The following FAM161A variants were observed in gnomAD, a reference collection of about 807,000 sequenced individuals.
FAM161A encodes FAM161 centrosomal protein A, also known as protein FAM161A.
Under a neutral mutation model 70.9 loss-of-function variants are expected in FAM161A, and 57 were observed. That is an observed-to-expected ratio of 0.80 (90% CI 0.65 to 1.00). The LOEUF is 1.00. Among genes scored for constraint, FAM161A ranks in the 50% least tolerant of loss-of-function variants. The pLI is 0.00. For missense variants in FAM161A, 880 were observed against 836.0 expected (o/e 1.05, Z -0.65); for synonymous variants, 299 against 295.7 (o/e 1.01, Z -0.12).
intron 1 of FAM161A, among the ~76,000 whole-genome samples, chr2:61,846,491 G>C (rs1673219398): frequency 6.6e-6 from 1 of 152,184 alleles, no homozygotes; most frequent in South Asian, 2.1e-4. Context: ...GTGACGTCAG[G>C]ATACTCATAC....
At chr2:61,853,813 A>C in intron 1 of FAM161A, 46 bp downstream of exon 1, 1 of 1,609,630 alleles carries the variant, frequency 6.2e-7, no homozygotes. Flanking sequence ...CTCAGCCTGC[A>C]CCCAGCCCAT....
intron 1 of FAM161A, among the ~76,000 whole-genome samples, chr2:61,848,590 C>A (rs1364458052): frequency 6.6e-6 from 1 of 151,372 alleles, no homozygotes; most frequent in African/African-American, 2.4e-5. Context: ...ATAATGAATC[C>A]TTCCAGTACC....
Position 61,836,126 on chromosome 2 carries a change from G to A in FAM161A, c.1752-17C>T, listed in dbSNP as rs1447338340. 6.5e-7 allele frequency: 1 copy of A among 1,546,036 alleles called. No homozygotes were observed. Among genetic ancestry groups the A allele is most frequent in the Non-Finnish European group, 8.9e-7 (1 of 1,122,320 alleles). ...TCGCTCTTTCTAAAATTAAAGAAAA[G>A]CAATGGAATTTTAAAAGATCATCTA... On this transcript the variant is annotated splice_polypyrimidine_tract_variant and intron_variant, in intron 4 of 6. Transcript: ENST00000404929.
rs573486641 is a variant in FAM161A, at chr2:61,824,974, T to C, written c.*1481A>G. 2.2e-6 allele frequency: 1 copy of C among 453,226 alleles called. No individual in the cohort carries two copies. The highest frequency in any genetic ancestry group is 2.0e-5 in the African/African-American group (1 of 50,058). 28.1% of individuals were successfully genotyped at this position (453,226 alleles called of 1,614,324 possible). A position where few individuals can be genotyped will look rare whatever the true frequency, so the allele number is the denominator to read the frequency against. ...AAATCCCAAGGAGTTTACAATATAA[T>C]AATAGTAAAAAGTAATTTAACACGA... is the stretch of plus-strand genomic sequence containing the variant. On this transcript the variant is annotated 3_prime_UTR_variant, in exon 7 of 7. Coordinates refer to ENST00000404929, the MANE Select transcript of FAM161A (RefSeq NM_001201543.2).
chr2:61,840,046 C>T lies in FAM161A; in HGVS notation c.958G>A (p.Ala320Thr), dbSNP rs1672950493. ...ATAAATTTAAATGGCTTTTGTGAGG[C>T]CAAAAGAGCTTCTTTGCTTTTCTCC... is the stretch of plus-strand genomic sequence containing the variant. ...LKEKSKEALL[A>T]SQKPFKFIAR... is the part of the protein sequence containing the mutation. The change falls in exon 3 of 7, where the codon GCC (alanine) becomes ACC (threonine). Residue 320 changes from alanine to threonine, a missense_variant. Ala to Thr is a moderately conservative substitution (Grantham distance 58, BLOSUM62 0). Transcript: ENST00000404929. 1 of 1,614,144 alleles carries T rather than the reference C, an allele frequency of 6.2e-7. No homozygotes were observed. Among genetic ancestry groups the T allele is most frequent in the South Asian group, 1.1e-5 (1 of 91,080 alleles).
downstream of FAM161A, among the ~76,000 whole-genome samples, chr2:61,821,597 CT>C (rs1183630534): frequency 6.6e-6 from 1 of 151,606 alleles, no homozygotes; most frequent in Non-Finnish European, 1.5e-5. Flanking sequence ...ATCTGAATAT[CT>C]TTTTTTCTTT....
chr2:61,842,559 A>G (rs1379324434), intron 1 of FAM161A, among the ~76,000 whole-genome samples, 199 bp from the exon 2 acceptor site: 1 of 152,240 alleles, frequency 6.6e-6, no homozygotes, highest in Non-Finnish European at 1.5e-5. Flanking sequence ...AACGAGAGGG[A>G]GCAAGACCAA....
chr2:61,844,735 G>C (rs966671795), intron 1 of FAM161A, among the ~76,000 whole-genome samples: 1 of 152,096 alleles, frequency 6.6e-6, no homozygotes, highest in Admixed American at 6.6e-5. Context: ...CTCTACCTTT[G>C]AGAAGTTTCC....
At chr2:61,849,016 TTATATATATTTA>T (rs1673382356) in intron 1 of FAM161A, among the ~76,000 whole-genome samples, 1 of 5,272 alleles carries the variant, frequency 1.9e-4, no homozygotes, top group South Asian at 8.1e-3. Context: ...ATTTATATAT[TTATATATATTTA>T]TATATATATT....
chr2:61,806,678 G>GTTTTTTTT, the FAM161A span, among the ~76,000 whole-genome samples: 3 of 80,058 alleles, frequency 3.7e-5, no homozygotes, highest in Non-Finnish European at 7.5e-5. Flanking sequence ...TGCTTTCCAC[G>GTTTTTTTT]TCTTTTTTTT....
chr2:61,846,643 T>G, intron 1 of FAM161A: 1 of 248,242 alleles, frequency 4.0e-6, no homozygotes, highest in Non-Finnish European at 8.0e-6. Context: ...TGCTTTGCAA[T>G]GCCAGAGCTG....
In FAM161A at chr2:61,825,273, T is replaced by G; in HGVS notation, c.*1182A>C. On this transcript the variant is annotated 3_prime_UTR_variant, in exon 7 of 7. Transcript: ENST00000404929. ...CAGATTAACACTGTACACAGAGAGATAAAGTGTGTTGGCAATAATATGTAA... is the reference window on the plus strand; with the variant it reads ...CAGATTAACACTGTACACAGAGAGAGAAAGTGTGTTGGCAATAATATGTAA... 2.2e-6 allele frequency: 1 copy of G among 454,154 alleles called. No individual in the cohort carries two copies. The highest frequency in any genetic ancestry group is 4.4e-6 in the Non-Finnish European group (1 of 226,764). The allele number at this position is 454,154 out of a possible 1,614,324, so 28.1% of individuals were successfully genotyped here.
chr2:61,849,763 G>A (rs1314659765), intron 1 of FAM161A, among the ~76,000 whole-genome samples: 9 of 142,320 alleles, frequency 6.3e-5, no homozygotes, highest in African/African-American at 2.4e-4. Context: ...CTAGCCTGGT[G>A]ACAGAGCGAG....
At chr2:61,853,483 C>G (rs1396556588) in intron 1 of FAM161A, among the ~76,000 whole-genome samples, 1 of 152,122 alleles carries the variant, frequency 6.6e-6, no homozygotes, top group Admixed American at 6.6e-5. Context: ...AAGGTAATAA[C>G]GAAACACACC....
In FAM161A at chr2:61,839,893, C is replaced by A. The variant is rs752075492; in HGVS notation, c.1111G>T (p.Asp371Tyr). The change falls in exon 3 of 7, where the codon GAC becomes TAC. Residue 371 changes from aspartate (D) to tyrosine (Y), a missense_variant. Transcript: ENST00000404929. ...PRSTYGSTTN[D>Y]KLKEEELYRN... Reference sequence around the variant, plus strand: ...TAGAGCTCTTCTTCTTTTAACTTGTCATTGGTAGTTGAACCATAAGTAGAT... The same window carrying A: ...TAGAGCTCTTCTTCTTTTAACTTGTAATTGGTAGTTGAACCATAAGTAGAT... 12 of 1,614,204 alleles carry A rather than the reference C, an allele frequency of 7.4e-6. 2 individuals are homozygous for A. Among genetic ancestry groups the A allele is most frequent in the Non-Finnish European group, 9.3e-6 (11 of 1,180,034 alleles).
rs1672953655 is a variant in FAM161A, at chr2:61,840,096, T to C, written c.908A>G (p.Lys303Arg). 6.2e-7 allele frequency: 1 copy of C among 1,614,142 alleles called. No individual in the cohort carries two copies. Among genetic ancestry groups the C allele is most frequent in the East Asian group, 2.2e-5 (1 of 44,880 alleles). The change falls in exon 3 of 7, where the codon AAA becomes AGA. Residue 303 changes from lysine to arginine, a missense_variant. By Grantham distance (26) the Lys-to-Arg change is conservative. Transcript: ENST00000404929. ...CTTCAGAGACCTTCTCCGTTCTTCTTTTTGCTTGACTAAATCATGGTAAAG... is the reference window on the plus strand; with the variant it reads ...CTTCAGAGACCTTCTCCGTTCTTCTCTTTGCTTGACTAAATCATGGTAAAG... ...LPLYHDLVKQ[K>R]EERRRSLKEK...
At chr2:61,812,073 CTA>C in the FAM161A span, among the ~76,000 whole-genome samples, 2 of 152,122 alleles carry the variant, frequency 1.3e-5, no homozygotes, top group Non-Finnish European at 2.9e-5. Flanking sequence ...GAATACAGCC[CTA>C]ACTTCCTTCT....
At chr2:61,841,256 C>T (rs554393221) in intron 2 of FAM161A, among the ~76,000 whole-genome samples, 2 of 152,134 alleles carry the variant, frequency 1.3e-5, no homozygotes, top group Admixed American at 6.6e-5. Flanking sequence ...ACAAGCCCTT[C>T]GAGACTGGCG....
intron 5 of FAM161A, among the ~76,000 whole-genome samples, chr2:61,834,855 A>T (rs574985580): frequency 5.3e-5 from 8 of 152,254 alleles, no homozygotes; most frequent in African/African-American, 1.7e-4. Flanking sequence ...AAAAACCCAG[A>T]AGCAGTGTAA....
Sources: allele counts gnomAD v4.1 joint callset (sites outside exome capture counted in the v4.1 genomes callset), GRCh38; gene constraint gnomAD v4.1.1; transcripts MANE v1.5; gene names NCBI Gene and HGNC (gene_info 2026-07-23, HGNC 2026-07-21).